UST: variants seen among roughly 807,000 people sequenced by gnomAD.
UST encodes the protein chondroitin sulfate 2-O-sulfotransferase.
Under a neutral mutation model 45.6 loss-of-function variants are expected in UST, and 21 were observed. The ratio of observed to expected loss-of-function variants is 0.46; its 90% CI spans 0.33 to 0.66. UST has a LOEUF of 0.66. UST is among the 30% of genes least tolerant of loss of function. The pLI, the probability that UST is intolerant of heterozygous loss-of-function variation, is 0.02. For missense variants in UST, 463 were observed against 512.4 expected, an observed-to-expected ratio of 0.90 and a Z score of 0.93; for synonymous variants, 215 against 200.6, an observed-to-expected ratio of 1.07 and a Z score of -0.61.
rs151228243 is a variant in UST, at chr6:148,982,466, C to T, written c.681+17903C>T. On this transcript the variant is annotated intron_variant, in intron 5 of 7. Coordinates refer to ENST00000367463, the MANE Select transcript of UST (RefSeq NM_005715.3). The stretch of plus-strand genomic sequence containing the variant: ...GAAGAGATCCCATGGCCCTTCACCT[C>T]TTAAAGGCCCACCTCCTAATACTAT... Among the ~76,000 whole-genome samples the T allele has an allele frequency of 3.3e-5, 5 of 152,304 alleles. No homozygotes were observed. The East Asian group carries it at 7.7e-4, about 23-fold the overall frequency.
chr6:148,819,279 C>T (rs988745909), intron 1 of UST, among the ~76,000 whole-genome samples: 1 of 151,788 alleles, frequency 6.6e-6, no homozygotes, highest in Non-Finnish European at 1.5e-5. Context: ...AAAACAAAAA[C>T]AAAACTTGTA....
chr6:148,986,645 T>A lies in UST; in HGVS notation c.681+22082T>A, dbSNP rs78134336. On this transcript the variant is annotated intron_variant, in intron 5 of 7. Coordinates refer to ENST00000367463, the MANE Select transcript of UST (RefSeq NM_005715.3). ...ACTGATTTGAAGCCAGGTCATCTGATGCTACAGCTGACTCTCCAACCTCTA... is the reference window on the plus strand; with the variant it reads ...ACTGATTTGAAGCCAGGTCATCTGAAGCTACAGCTGACTCTCCAACCTCTA... Among the ~76,000 whole-genome samples, 327 of 152,374 alleles carry A rather than the reference T, an allele frequency of 2.1e-3. 2 individuals carry two copies. Among genetic ancestry groups the A allele is most frequent in the Non-Finnish European group, 3.4e-3 (228 of 68,032 alleles).
intron 1 of UST, among the ~76,000 whole-genome samples, chr6:148,765,461 C>G (rs1264974740): frequency 2.0e-5 from 3 of 152,096 alleles, no homozygotes; most frequent in Non-Finnish European, 4.4e-5. Context: ...CTTTTTGGTT[C>G]CATATAAATT....
At chr6:148,925,018 C>T (rs190869311) in intron 2 of UST, among the ~76,000 whole-genome samples, 48 of 152,260 alleles carry the variant, frequency 3.2e-4, no homozygotes, top group Non-Finnish European at 5.3e-4. Flanking sequence ...CATGCAGAAA[C>T]TGATGCATTG....
chr6:148,972,051 T>C (rs1780928620), intron 5 of UST, among the ~76,000 whole-genome samples: 1 of 152,124 alleles, frequency 6.6e-6, no homozygotes, highest in African/African-American at 2.4e-5. Flanking sequence ...TACAAAGACA[T>C]TGAAGACTCA....
In UST at chr6:148,849,863, GA is replaced by G. The variant is rs1387537783; in HGVS notation, c.248-37120del. Among the ~76,000 whole-genome samples the G allele has an allele frequency of 6.6e-5, 10 of 152,210 alleles. No individual in the cohort carries two copies. In the East Asian group the frequency reaches 1.9e-3, roughly 29 times the overall value. On this transcript the variant is annotated intron_variant, in intron 1 of 7. Transcript: ENST00000367463. ...AGCCAAACCGTATCAGATGCAGACC[GA>G]AAGAGCAATTTTATTTTAGTTACAA... is the stretch of plus-strand genomic sequence containing the variant.
chr6:148,815,629 A>G (rs1777340236), intron 1 of UST, among the ~76,000 whole-genome samples: 1 of 152,256 alleles, frequency 6.6e-6, no homozygotes, highest in African/African-American at 2.4e-5. Flanking sequence ...ACTTAAAAAT[A>G]TCATTGCCAT....
chr6:149,008,660 A>C lies in UST; in HGVS notation c.682-10479A>C, dbSNP rs548082847. On this transcript the variant is annotated intron_variant, in intron 5 of 7. Transcript: ENST00000367463. Reference sequence around the variant, plus strand: ...GGAATAAGACTCCAGGTTTATTTGGAAATGCCAGGGACGATGGATAAAGCA... The same window carrying C: ...GGAATAAGACTCCAGGTTTATTTGGCAATGCCAGGGACGATGGATAAAGCA... 1.8e-4 allele frequency among the ~76,000 whole-genome samples: 28 copies of C among 152,348 alleles called. No homozygotes were observed. In the South Asian group the frequency reaches 5.6e-3, roughly 30 times the overall value.
intron 1 of UST, among the ~76,000 whole-genome samples, chr6:148,815,654 G>A (rs1004187482): frequency 2.6e-5 from 4 of 152,134 alleles, no homozygotes; most frequent in African/African-American, 9.7e-5. Context: ...TATGAAAATT[G>A]TCTTGACCAG....
intron 1 of UST, among the ~76,000 whole-genome samples, chr6:148,769,080 T>C (rs1203656790): frequency 2.0e-5 from 3 of 152,210 alleles, no homozygotes; most frequent in East Asian, 3.8e-4. Context: ...CCTCCTGGAT[T>C]CCTACTGGGT....
In UST at chr6:148,873,473, TG is replaced by T. The variant is rs140248922; in HGVS notation, c.248-13507del. Reference sequence around the variant, plus strand: ...ACTCTGCCTGAAGTACACATCTAGCTGGGGGGTGCTGGATGTTGCTCCCAGA... The same window carrying T: ...ACTCTGCCTGAAGTACACATCTAGCTGGGGGTGCTGGATGTTGCTCCCAGA... On this transcript the variant is annotated intron_variant, in intron 1 of 7. Transcript: ENST00000367463. 1.2e-3 allele frequency among the ~76,000 whole-genome samples: 176 copies of T among 152,270 alleles called. 1 individual carries two copies. Among genetic ancestry groups the T allele is most frequent in the African/African-American group, 4.1e-3 (172 of 41,536 alleles).
intron 7 of UST, among the ~76,000 whole-genome samples, chr6:149,037,190 C>G (rs1479522252): frequency 6.6e-6 from 1 of 152,146 alleles, no homozygotes; most frequent in Non-Finnish European, 1.5e-5. Flanking sequence ...CGCAGCTGCT[C>G]CGGTAGCAGG....
chr6:148,835,199 A>G (rs542395087), intron 1 of UST, among the ~76,000 whole-genome samples: 41 of 152,122 alleles, frequency 2.7e-4, no homozygotes, highest in Middle Eastern at 6.8e-3. Flanking sequence ...TATAACTATT[A>G]ATACATAGCA....
At chr6:148,924,440 G>T (rs1779773365) in intron 2 of UST, among the ~76,000 whole-genome samples, 1 of 152,170 alleles carries the variant, frequency 6.6e-6, no homozygotes, top group African/African-American at 2.4e-5. Flanking sequence ...GCACACAGTA[G>T]GAAGTTAGCA....
chr6:148,901,537 CAG>C (rs1050876896), intron 2 of UST, among the ~76,000 whole-genome samples: 1 of 148,188 alleles, frequency 6.7e-6, no homozygotes, highest in Non-Finnish European at 1.5e-5. Context: ...CCCTTCAGCC[CAG>C]AAGTGACCCG....
At chr6:149,065,218 A>G (rs989664637) in intron 7 of UST, among the ~76,000 whole-genome samples, 1 of 152,028 alleles carries the variant, frequency 6.6e-6, no homozygotes, top group African/African-American at 2.4e-5. Flanking sequence ...TGTGGCTGAA[A>G]TAACAACAAT....
rs139864952 is a variant in UST, at chr6:149,024,630, A to G, written c.937+3149A>G. 1.3e-4 allele frequency among the ~76,000 whole-genome samples: 20 copies of G among 152,234 alleles called. No homozygotes were observed. The East Asian group carries it at 3.9e-3, about 29-fold the overall frequency. ...CCCATATTGTTTTCTCATCACCACA[A>G]CTGAGTTGGTGTCAAGTAGGTTAAA... On this transcript the variant is annotated intron_variant, in intron 7 of 7. Coordinates refer to ENST00000367463, the MANE Select transcript of UST (RefSeq NM_005715.3).
At chr6:149,036,427 C>G (rs949209204) in intron 7 of UST, among the ~76,000 whole-genome samples, 2 of 152,208 alleles carry the variant, frequency 1.3e-5, no homozygotes, top group Admixed American at 6.5e-5. Flanking sequence ...ACTGATAATC[C>G]TTCTCCAGCA....
chr6:148,951,233 G>A (rs984308947), intron 3 of UST, among the ~76,000 whole-genome samples: 2 of 152,172 alleles, frequency 1.3e-5, no homozygotes, highest in African/African-American at 4.8e-5. Context: ...GAAAGAGCTG[G>A]ATCAAAGGTG....
Sources: allele counts gnomAD v4.1 joint callset (sites outside exome capture counted in the v4.1 genomes callset), GRCh38; gene constraint gnomAD v4.1.1; transcripts MANE v1.5; gene names NCBI Gene and HGNC (gene_info 2026-07-23, HGNC 2026-07-21).